The following IL1RAPL2 variants were observed in gnomAD, a reference collection of about 807,000 sequenced individuals.
The protein encoded by IL1RAPL2 is X-linked interleukin-1 receptor accessory protein-like 2.
Under a neutral mutation model 44.1 loss-of-function variants are expected in IL1RAPL2, and 3 were observed. The ratio of observed to expected loss-of-function variants is 0.07; its 90% CI spans 0.03 to 0.18. IL1RAPL2 has a LOEUF of 0.18. Ranked by LOEUF, IL1RAPL2 falls within the 10% of genes least tolerant of loss-of-function variation. The pLI is 1.00. For missense variants in IL1RAPL2, 391 were observed against 496.4 expected (o/e 0.79, Z 2.02); for synonymous variants, 181 against 178.8 (o/e 1.01, Z -0.10).
At chrX:105,146,628 T>G (rs1046068136) in intron 2 of IL1RAPL2, among the ~76,000 whole-genome samples, 3 of 111,655 alleles carry the variant, frequency 2.7e-5, no homozygotes, top group African/African-American at 9.8e-5. Flanking sequence ...CTTTAGTATA[T>G]TCACAGAGTT....
intron 2 of IL1RAPL2, among the ~76,000 whole-genome samples, chrX:104,731,677 A>G (rs1931922791): frequency 8.9e-6 from 1 of 111,752 alleles, no homozygotes; most frequent in South Asian, 3.8e-4. Context: ...TGCTAGGATT[A>G]AAGGTGTGGG....
rs919956562 is a variant in IL1RAPL2 at position 104,670,800 on chromosome X, C to G, written c.82+11805C>G. 8.1e-5 allele frequency among the ~76,000 whole-genome samples: 9 copies of G among 111,434 alleles called. No individual in the cohort carries two copies. In the East Asian group the frequency reaches 2.6e-3, roughly 32 times the overall value. ...CCTTTCATAATTTCTTCCAGCCCTT[C>G]TACATTACTGCCCATTTTCCATAAT... On this transcript the variant is annotated intron_variant, in intron 2 of 10. Transcript: ENST00000372582.
intron 2 of IL1RAPL2, among the ~76,000 whole-genome samples, chrX:104,926,329 G>A (rs1924771220): frequency 9.0e-6 from 1 of 111,700 alleles, no homozygotes; most frequent in African/African-American, 3.3e-5. Flanking sequence ...TTCTGACATG[G>A]GTATTTCTAA....
intron 2 of IL1RAPL2, among the ~76,000 whole-genome samples, chrX:105,047,078 T>G (rs1266523078): frequency 9.0e-6 from 1 of 111,222 alleles, no homozygotes; most frequent in Non-Finnish European, 1.9e-5. Context: ...TAACAGAACT[T>G]AACTCCCTGG....
chrX:105,507,026 T>C (rs991070967), intron 6 of IL1RAPL2, among the ~76,000 whole-genome samples: 6 of 111,838 alleles, frequency 5.4e-5, no homozygotes, highest in Admixed American at 4.8e-4. Flanking sequence ...TTCAATGAAA[T>C]ATAACTCATT....
At chrX:104,943,054 G>A (rs377610810) in intron 2 of IL1RAPL2, among the ~76,000 whole-genome samples, 2 of 111,494 alleles carry the variant, frequency 1.8e-5, no homozygotes, top group Non-Finnish European at 3.8e-5. Context: ...CAACTTGTTC[G>A]TGGTGGATAA....
rs748848776 is a variant in IL1RAPL2, at chrX:105,531,934, G to T, written c.772+47547G>T. ...GGACAATGTGTCTGTTTTTGTGCCA[G>T]TACCATGCTGTTTGGGTGACTATAG... On this transcript the variant is annotated intron_variant, in intron 6 of 10. Coordinates refer to ENST00000372582, the MANE Select transcript of IL1RAPL2 (RefSeq NM_017416.2). Among the ~76,000 whole-genome samples the T allele has an allele frequency of 7.2e-5, 8 of 111,493 alleles. No individual in the cohort carries two copies. In the South Asian group the frequency reaches 3.0e-3, roughly 42 times the overall value.
chrX:105,408,159 TGTAAA>T (rs1184099472), intron 5 of IL1RAPL2, among the ~76,000 whole-genome samples: 2 of 112,178 alleles, frequency 1.8e-5, no homozygotes, highest in Non-Finnish European at 3.8e-5. Context: ...AAAAAACAGA[TGTAAA>T]GTAAAAATAA....
intron 6 of IL1RAPL2, among the ~76,000 whole-genome samples, chrX:105,550,053 G>A (rs2036839163): frequency 8.9e-6 from 1 of 112,248 alleles, no homozygotes; most frequent in East Asian, 2.8e-4. Flanking sequence ...ATTACTGGGT[G>A]TGGGAATGGC....
At chrX:105,214,940 T>G (rs1411716289) in intron 3 of IL1RAPL2, among the ~76,000 whole-genome samples, 1 of 112,267 alleles carries the variant, frequency 8.9e-6, no homozygotes, top group Non-Finnish European at 1.9e-5. Context: ...TGTACCAGAA[T>G]CTCTGGGACA....
At chrX:105,062,829 T>C (rs1213938433) in intron 2 of IL1RAPL2, among the ~76,000 whole-genome samples, 3 of 111,708 alleles carry the variant, frequency 2.7e-5, no homozygotes, top group African/African-American at 9.8e-5. Flanking sequence ...TTGTATGTTA[T>C]TTGTGTCTTT....
rs768733132 is a variant in IL1RAPL2 at position 105,009,304 on chromosome X, G to A, written c.83-186171G>A. On this transcript the variant is annotated intron_variant, in intron 2 of 10. Coordinates refer to ENST00000372582, the MANE Select transcript of IL1RAPL2 (RefSeq NM_017416.2). ...GCTATAAAGACACATGCACACATAT[G>A]TTTATTGCAGCACTATTCACAATAG... Among the ~76,000 whole-genome samples, 3 of 110,847 alleles carry A rather than the reference G, an allele frequency of 2.7e-5. No homozygotes were observed. The East Asian group carries it at 8.5e-4, about 31-fold the overall frequency.
At chrX:105,311,678 A>T (rs920782508) in intron 5 of IL1RAPL2, among the ~76,000 whole-genome samples, 1 of 109,243 alleles carries the variant, frequency 9.2e-6, no homozygotes, top group Non-Finnish European at 1.9e-5. Flanking sequence ...ACACATATAT[A>T]TAATTTATAT....
At chrX:105,096,347 C>T (rs2032603388) in intron 2 of IL1RAPL2, among the ~76,000 whole-genome samples, 1 of 111,213 alleles carries the variant, frequency 9.0e-6, no homozygotes, top group South Asian at 3.7e-4. Flanking sequence ...GGGCATATAT[C>T]CAAGCAAAAT....
At chrX:105,178,169 A>T (rs2033493896) in intron 2 of IL1RAPL2, among the ~76,000 whole-genome samples, 1 of 111,512 alleles carries the variant, frequency 9.0e-6, no homozygotes, top group Admixed American at 9.6e-5. Flanking sequence ...CTATCATTCT[A>T]CTTGCTACCT....
At chrX:104,926,528 A>G (rs1381423392) in intron 2 of IL1RAPL2, among the ~76,000 whole-genome samples, 1 of 111,872 alleles carries the variant, frequency 8.9e-6, no homozygotes, top group African/African-American at 3.2e-5. Context: ...ATTGTCCTGA[A>G]TTTGGCCAGT....
chrX:104,894,142 C>T (rs1044774404), intron 2 of IL1RAPL2, among the ~76,000 whole-genome samples: 1 of 112,086 alleles, frequency 8.9e-6, no homozygotes, highest in African/African-American at 3.2e-5. Context: ...ATAGTTTCTG[C>T]CGAGACATCC....
At chrX:105,678,317 T>C (rs1346197622) in intron 6 of IL1RAPL2, among the ~76,000 whole-genome samples, 1 of 112,277 alleles carries the variant, frequency 8.9e-6, no homozygotes, top group Admixed American at 9.4e-5. Flanking sequence ...GGGGTATTCA[T>C]CCCCTCGAGC....
intron 6 of IL1RAPL2, among the ~76,000 whole-genome samples, chrX:105,529,630 G>T (rs1382867711): frequency 9.0e-6 from 1 of 111,448 alleles, no homozygotes; most frequent in Non-Finnish European, 1.9e-5. Context: ...CAATTCAGTG[G>T]CATTAAAAAC....
Sources: allele counts gnomAD v4.1 joint callset (sites outside exome capture counted in the v4.1 genomes callset), GRCh38; gene constraint gnomAD v4.1.1; transcripts MANE v1.5; gene names NCBI Gene and HGNC (gene_info 2026-07-23, HGNC 2026-07-21).